POLE: variants seen among roughly 807,000 people sequenced by gnomAD.
POLE encodes DNA polymerase epsilon catalytic subunit A.
POLE carries 188 observed loss-of-function variants against 279.2 expected under a neutral mutation model. The ratio of observed to expected loss-of-function variants is 0.67; its 90% CI spans 0.60 to 0.76. The LOEUF (loss-of-function observed/expected upper bound fraction) is 0.76, where lower values mean the gene tolerates loss of function less well. Among genes scored for constraint, POLE ranks in the 30% least tolerant of loss-of-function variants. The probability of loss-of-function intolerance (pLI) is 0.00; values close to 1 mark genes in which losing one functional copy is unlikely to be tolerated. For missense variants in POLE, 2,703 were observed against 3,016.7 expected (o/e 0.90, Z 2.44); for synonymous variants, 1,214 against 1,172.5 (o/e 1.04, Z -0.72).
intron 14 of POLE, 117 bp downstream of exon 14, chr12:132,673,047 T>TACAGCCGCCTCTGGTGCCAGCACTCC: frequency 1.3e-6 from 1 of 799,044 alleles, no homozygotes. Flanking sequence ...ACCAGAATTC[T>TACAGCCGCCTCTGGTGCCAGCACTCC]ACTGCCGCCT....
intron 29 of POLE, chr12:132,651,136 A>T (rs949763678): frequency 6.6e-6 from 1 of 152,120 alleles, no homozygotes; most frequent in Non-Finnish European, 1.5e-5. Context: ...TCAGCCTTCC[A>T]AAGTGTTGAG....
At chr12:132,687,203 A>G (rs1489360068) in intron 1 of POLE, 51 bp downstream of exon 1, 8 of 1,280,414 alleles carry the variant, frequency 6.2e-6, no homozygotes, top group Non-Finnish European at 8.2e-6. Flanking sequence ...GGACGGCCCC[A>G]TGGCACCCTC....
chr12:132,657,229 G>A lies in POLE; in HGVS notation c.3489C>T (p.His1163=), dbSNP rs5744888. The A allele has an allele frequency of 1.3e-5, 21 of 1,613,892 alleles. No homozygotes were observed. The Admixed American group carries it at 3.3e-4, about 26-fold the overall frequency. ...GCAGTTTTTTGTGCAGCCAGTCGGG[G>A]TGTTTGACACGTGGCACTGGGTTCT... is the stretch of plus-strand genomic sequence containing the variant. The part of the protein sequence containing the change: ...QVKNPVPRVK[H]PDWLHKKLLE... The change falls in exon 29 of 49, where the codon CAC becomes CAT. Residue 1163 remains histidine, a synonymous_variant. Transcript: ENST00000320574.
intron 5 of POLE, 119 bp downstream of exon 5, chr12:132,679,829 GACGGTC>G: frequency 1.0e-6 from 1 of 980,950 alleles, no homozygotes; most frequent in South Asian, 1.6e-5. Context: ...GAATTTTATA[GACGGTC>G]ACCACACCGC....
At chr12:132,642,780 G>C (rs2138537773) in intron 36 of POLE, 40 bp downstream of exon 36, 1 of 1,613,262 alleles carries the variant, frequency 6.2e-7, no homozygotes, top group Non-Finnish European at 8.5e-7. Flanking sequence ...CAGCCTCAAA[G>C]AAGATGGGGC....
At position 132,635,990 on chromosome 12, in the gene POLE, T is replaced by C. The variant is rs1300166843; in HGVS notation, c.5713A>G (p.Ile1905Val). 5 of 1,613,742 alleles carry C rather than the reference T, an allele frequency of 3.1e-6. No homozygotes were observed. Among genetic ancestry groups the C allele is most frequent in the South Asian group, 1.1e-5 (1 of 91,054 alleles). Reference sequence around the variant, plus strand: ...AATTCCCAGCATCGAGAGAAAGAAATTGTCAGAGAATGGAAGGTCTCCTTT... The same window carrying C: ...AATTCCCAGCATCGAGAGAAAGAAACTGTCAGAGAATGGAAGGTCTCCTTT... Reference protein sequence around the residue: ...HSKETFHSLTISFSRCWEFLL... With the variant: ...HSKETFHSLTVSFSRCWEFLL... The change falls in exon 42 of 49, where the codon ATT becomes GTT. Residue 1905 changes from isoleucine (I) to valine (V), a missense_variant. Coordinates refer to ENST00000320574, the MANE Select transcript of POLE (RefSeq NM_006231.4).
At position 132,672,465 on chromosome 12, in the gene POLE, C is replaced by A. The variant is rs968422527; in HGVS notation, c.1687-143G>T. 8.9e-6 allele frequency: 9 copies of A among 1,015,578 alleles called. No individual in the cohort carries two copies. In the African/African-American group the frequency reaches 1.4e-4, roughly 16 times the overall value. 62.9% of individuals were successfully genotyped at this position (1,015,578 alleles called of 1,614,324 possible). A position where few individuals can be genotyped will look rare whatever the true frequency, so the allele number is the denominator to read the frequency against. On this transcript the variant is annotated intron_variant, in intron 15 of 48. Coordinates refer to ENST00000320574, the MANE Select transcript of POLE (RefSeq NM_006231.4). ...CATGTGCACAATCTGCAGTGCACTG[C>A]CCTAAAGAAGCCCCCGGGGGGTGCT...
intron 29 of POLE, chr12:132,651,487 GA>G (rs1410085831): frequency 6.6e-6 from 1 of 152,186 alleles, no homozygotes; most frequent in Non-Finnish European, 1.5e-5. Flanking sequence ...CCTTCAGTGT[GA>G]CCTGCTATCT....
In POLE at chr12:132,624,547, T is replaced by G; in HGVS notation, c.*150A>C. On this transcript the variant is annotated 3_prime_UTR_variant, in exon 49 of 49. Coordinates refer to ENST00000320574, the MANE Select transcript of POLE (RefSeq NM_006231.4). ...GACGTCTGAGCTCCCTGAAAATGGT[T>G]TTCTTTGGTTTCCTCCCCGTTCCCT... 1 of 656,670 alleles carries G rather than the reference T, an allele frequency of 1.5e-6. No homozygotes were observed. 40.7% of individuals were successfully genotyped at this position (656,670 alleles called of 1,614,324 possible). A position where few individuals can be genotyped will look rare whatever the true frequency, so the allele number is the denominator to read the frequency against.
chr12:132,680,491 T>C (rs2043143538), intron 3 of POLE, 116 bp downstream of exon 3: 9 of 819,108 alleles, frequency 1.1e-5, no homozygotes, highest in Non-Finnish European at 1.8e-5. Flanking sequence ...GGGCCCGAGT[T>C]CTGCTGGGCT....
Position 132,642,924 on chromosome 12 carries a change from C to T in POLE, c.4624G>A (p.Gly1542Ser), listed in dbSNP as rs2138541484. The change falls in exon 36 of 49, where the codon GGC becomes AGC. Residue 1542 changes from glycine (G) to serine (S), a missense_variant. Gly to Ser is a moderately conservative substitution (Grantham distance 56, BLOSUM62 0). Coordinates refer to ENST00000320574, the MANE Select transcript of POLE (RefSeq NM_006231.4). ...AEHGLLLEKVGPELLPPPKHT... is the reference protein window; with the variant it reads ...AEHGLLLEKVSPELLPPPKHT... Reference sequence around the variant, plus strand: ...TTGGGGGGTGGCAGGAGCTCAGGGCCCACCTTCTCCAGGAGGAGGCCGTGC... The same window carrying T: ...TTGGGGGGTGGCAGGAGCTCAGGGCTCACCTTCTCCAGGAGGAGGCCGTGC... The T allele has an allele frequency of 6.2e-7, 1 of 1,612,480 alleles. No individual in the cohort carries two copies. The highest frequency in any genetic ancestry group is 8.5e-7 in the Non-Finnish European group (1 of 1,179,540).
intron 16 of POLE, 110 bp downstream of exon 16, chr12:132,672,105 G>A (rs1372164712): frequency 1.3e-5 from 10 of 759,486 alleles, no homozygotes; most frequent in Non-Finnish European, 2.1e-5. Flanking sequence ...TGTGTCATCC[G>A]TCCACAGCAC....
chr12:132,666,615 C>T (rs922938889), intron 20 of POLE, among the ~76,000 whole-genome samples: 1 of 152,190 alleles, frequency 6.6e-6, no homozygotes, highest in South Asian at 2.1e-4. Flanking sequence ...GTGAAAAAGC[C>T]GGTCACAAAG....
At position 132,685,094 on chromosome 12, in the gene POLE, A is replaced by C. The variant is rs1428464766; in HGVS notation, c.62+2160T>G. Among the ~76,000 whole-genome samples, 4 of 82,338 alleles carry C rather than the reference A, an allele frequency of 4.9e-5. 1 individual carries two copies. The highest frequency in any genetic ancestry group is 8.0e-5 in the Non-Finnish European group (3 of 37,564). 54.0% of individuals were successfully genotyped at this position (82,338 alleles called of 152,430 possible). A position where few individuals can be genotyped will look rare whatever the true frequency, so the allele number is the denominator to read the frequency against. On this transcript the variant is annotated intron_variant, in intron 1 of 48. Coordinates refer to ENST00000320574, the MANE Select transcript of POLE (RefSeq NM_006231.4). ...ACAGAGCTACCATTGACTGGTTACT[A>C]TATCACACCGTCCCAGTACTCCACA... is the stretch of plus-strand genomic sequence containing the variant.
Position 132,679,618 on chromosome 12 carries a change from T to G in POLE, c.457A>C (p.Ile153Leu), listed in dbSNP as rs902430793. Residue 153 changes from isoleucine to leucine, a missense_variant, in exon 6 of 49, where the codon ATC becomes CTC. Ile to Leu is a conservative substitution (Grantham distance 5). Around this residue, in one of 5 missense-constraint regions of POLE, gnomAD observed 1,011 missense variants for 1,111.7 expected, o/e 0.91. Coordinates refer to ENST00000320574, the MANE Select transcript of POLE (RefSeq NM_006231.4). ...TCCACAGTGTGGAAGGACAGCCTGA[T>G]GTAATTTCGCTTCAAACCCACCAAG... is the stretch of plus-strand genomic sequence containing the variant. ...NHLVGLKRNY[I>L]RLSFHTVEDL... is the part of the protein sequence containing the mutation. The G allele has an allele frequency of 1.2e-6, 2 of 1,612,864 alleles. No individual in the cohort carries two copies. Among genetic ancestry groups the G allele is most frequent in the East Asian group, 2.2e-5 (1 of 44,824 alleles).
intron 44 of POLE, 47 bp downstream of exon 44, chr12:132,632,617 G>C (rs768621571): frequency 6.2e-7 from 1 of 1,613,268 alleles, no homozygotes; most frequent in Non-Finnish European, 8.5e-7. Flanking sequence ...AGAGGAGTTA[G>C]GTCACTGGCA....
Position 132,638,126 on chromosome 12 carries a change from A to C in POLE, c.5566T>G (p.Phe1856Val), listed in dbSNP as rs1060500846. The change falls in exon 41 of 49, where the codon TTC becomes GTC. Residue 1856 changes from phenylalanine (F) to valine (V), a missense_variant. Physicochemically the swap from Phe to Val is conservative, Grantham distance 50. Around this residue, in one of 5 missense-constraint regions of POLE, gnomAD observed 1,551 missense variants for 1,686.1 expected, o/e 0.92. Transcript: ENST00000320574. ...ATGACTGATGACCCCAGGCGCTTGA[A>C]CTCAGCGATGAGCCTGTGGAGCAAG... ...KKLFLQLIAE[F>V]KRLGSSVIYA... 6.2e-7 allele frequency: 1 copy of C among 1,613,462 alleles called. No individual in the cohort carries two copies. The highest frequency in any genetic ancestry group is 1.3e-5 in the African/African-American group (1 of 74,816).
intron 32 of POLE, among the ~76,000 whole-genome samples, chr12:132,644,432 TGTGA>T (rs1199699722): frequency 2.3e-5 from 3 of 128,616 alleles, no homozygotes; most frequent in Non-Finnish European, 4.8e-5. Context: ...GAACTGCAGG[TGTGA>T]GCCACTATGC....
chr12:132,662,397 A>G (rs1164519816), intron 23 of POLE, among the ~76,000 whole-genome samples: 1 of 152,258 alleles, frequency 6.6e-6, no homozygotes, highest in Non-Finnish European at 1.5e-5. Context: ...GAACAAACAC[A>G]TATATTGAGA....
Sources: allele counts gnomAD v4.1 joint callset (sites outside exome capture counted in the v4.1 genomes callset), GRCh38; gene constraint gnomAD v4.1.1; regional missense constraint gnomAD v4.1.1; transcripts MANE v1.5; gene names NCBI Gene and HGNC (gene_info 2026-07-23, HGNC 2026-07-21).